Variants in SCML4 observed in about 807,000 individuals in gnomAD.
SCML4 encodes the protein Scm polycomb group protein like 4.
A neutral mutation model predicts 41.1 loss-of-function variants in SCML4; 34 were observed. The ratio of observed to expected loss-of-function variants is 0.83; its 90% CI spans 0.63 to 1.10. The LOEUF is 1.10. SCML4 is among the 50% of genes least tolerant of loss of function. SCML4 has a pLI of 0.00. For synonymous variants in SCML4, 214 were observed against 220.9 expected (o/e 0.97, Z 0.28); for missense variants, 522 against 534.1 (o/e 0.98, Z 0.22).
chr6:107,723,695 C>T (rs1269633321), intron 5 of SCML4, among the ~76,000 whole-genome samples: 1 of 152,158 alleles, frequency 6.6e-6, no homozygotes, highest in African/African-American at 2.4e-5. Context: ...GCCTGAATAA[C>T]TTCACGGTTG....
rs138237843 is a variant in SCML4 at position 107,708,770 on chromosome 6, T to C, written c.974-759A>G. ...AGCTGCTTCCTGGGAAATGGTTGCA[T>C]AGGGCATTTCCCATGCAGCAGGTGA... is the stretch of plus-strand genomic sequence containing the variant. On this transcript the variant is annotated intron_variant, in intron 6 of 7. Coordinates refer to ENST00000369020, the MANE Select transcript of SCML4 (RefSeq NM_198081.5). 4.6e-3 allele frequency among the ~76,000 whole-genome samples: 698 copies of C among 152,296 alleles called. 5 individuals carry two copies. Among genetic ancestry groups the C allele is most frequent in the African/African-American group, 0.016 (658 of 41,560 alleles).
chr6:107,801,852 C>T (rs1317027846), intron 1 of SCML4, among the ~76,000 whole-genome samples: 1 of 152,016 alleles, frequency 6.6e-6, no homozygotes, highest in Non-Finnish European at 1.5e-5. Flanking sequence ...ACAACCTCCG[C>T]CTCCCAGGTT....
the SCML4 span, among the ~76,000 whole-genome samples, chr6:107,839,304 A>AAG: frequency 4.6e-3 from 600 of 131,058 alleles, 6 homozygotes; most frequent in African/African-American, 0.016. Context: ...AAGAAAAGAA[A>AAG]AGAGAGAGTG....
intron 1 of SCML4, among the ~76,000 whole-genome samples, chr6:107,778,212 AAAAAAAAAAAATATATATAT>A (rs1313481001): frequency 2.7e-4 from 2 of 7,332 alleles, no homozygotes; most frequent in African/African-American, 5.4e-4. Context: ...AAAAAAAAAA[AAAAAAAAAAAATATATATAT>A]ATATATATAT....
chr6:107,840,997 T>A, the SCML4 span, among the ~76,000 whole-genome samples: 1 of 152,068 alleles, frequency 6.6e-6, no homozygotes. Context: ...TTTTTTGCTC[T>A]CCTCTATGAT....
chr6:107,755,676 A>G, intron 2 of SCML4: 1 of 1,283,000 alleles, frequency 7.8e-7, no homozygotes, highest in Non-Finnish European at 1.0e-6. Flanking sequence ...TAAAAAAAAA[A>G]AAAAAGCTGT....
chr6:107,811,123 C>T (rs1344597091), intron 1 of SCML4, among the ~76,000 whole-genome samples: 2 of 152,096 alleles, frequency 1.3e-5, no homozygotes, highest in Non-Finnish European at 2.9e-5. Flanking sequence ...AGAGAGGGCT[C>T]AGAGAAACAA....
chr6:107,708,149 C>T, intron 6 of SCML4, 138 bp from the exon 7 acceptor site: 2 of 970,146 alleles, frequency 2.1e-6, no homozygotes, highest in Non-Finnish European at 3.0e-6. Context: ...AAGTGACCTC[C>T]TGTCATAGGG....
chr6:107,722,398 G>A (rs868504088), intron 5 of SCML4, among the ~76,000 whole-genome samples: 4 of 151,896 alleles, frequency 2.6e-5, no homozygotes, highest in African/African-American at 9.7e-5. Context: ...GAGAAATTAC[G>A]GTGATAGAAA....
chr6:107,716,904 C>T (rs922109985), intron 6 of SCML4, among the ~76,000 whole-genome samples: 2 of 152,114 alleles, frequency 1.3e-5, no homozygotes, highest in South Asian at 4.2e-4. Context: ...CCGTCTTCTC[C>T]CCACCCACTT....
At chr6:107,765,946 C>T (rs1187133049) in intron 2 of SCML4, among the ~76,000 whole-genome samples, 1 of 152,226 alleles carries the variant, frequency 6.6e-6, no homozygotes, top group African/African-American at 2.4e-5. Flanking sequence ...ATAGCTGTTA[C>T]AATGTGAATA....
chr6:107,818,214 T>C (rs7756043), intron 1 of SCML4, among the ~76,000 whole-genome samples: 71,338 of 151,980 alleles, frequency 0.47, 17,921 homozygotes, highest in East Asian at 0.73. Context: ...CTTTGGCATC[T>C]GAAAGGGAAA....
chr6:107,728,957 C>T (rs931381734), intron 5 of SCML4, among the ~76,000 whole-genome samples: 12 of 152,216 alleles, frequency 7.9e-5, no homozygotes, highest in Admixed American at 6.5e-4. Context: ...CTGCATTTTC[C>T]GCACTTTTCT....
rs769687908 is a variant in SCML4 at position 107,749,789 on chromosome 6, G to A, written c.181C>T (p.Pro61Ser). The A allele has an allele frequency of 5.6e-6, 9 of 1,613,972 alleles. No individual in the cohort carries two copies. Among genetic ancestry groups the A allele is most frequent in the South Asian group, 5.5e-5 (5 of 91,080 alleles). ...YKIKSRVLMT[P>S]LALSPPRSTP... ...CTCCGCGGAGGTGAGAGGGCTAAGG[G>A]AGTCATGAGAACCCGAGACTTGATC... The change falls in exon 3 of 8, where the codon CCC (proline) becomes TCC (serine). Residue 61 changes from proline to serine, a missense_variant. Pro to Ser is a moderately conservative substitution (Grantham distance 74). Coordinates refer to ENST00000369020, the MANE Select transcript of SCML4 (RefSeq NM_198081.5).
chr6:107,770,412 C>T (rs1263280104), intron 2 of SCML4, among the ~76,000 whole-genome samples: 9 of 152,148 alleles, frequency 5.9e-5, no homozygotes, highest in African/African-American at 2.2e-4. Flanking sequence ...GAATGGCACC[C>T]GGTTTGGAAC....
intron 1 of SCML4, among the ~76,000 whole-genome samples, chr6:107,794,919 G>C (rs1433345082): frequency 1.3e-5 from 2 of 152,078 alleles, no homozygotes; most frequent in Non-Finnish European, 2.9e-5. Flanking sequence ...CTTCCTCCAT[G>C]GCCTCATGAC....
In SCML4 at chr6:107,745,063, C is replaced by T. The variant is rs1301055485; in HGVS notation, c.568G>A (p.Ala190Thr). ...CACAGGAGGCTTCGGCACAGCTTGG[C>T]GAGGAAGCGGAGGACATAGCCGATG... is the stretch of plus-strand genomic sequence containing the variant. ...NSIGYVLRFL[A>T]KLCRSLLCDD... The change falls in exon 5 of 8, where the codon GCC becomes ACC. Residue 190 changes from alanine (A) to threonine (T), a missense_variant. Coordinates refer to ENST00000369020, the MANE Select transcript of SCML4 (RefSeq NM_198081.5). 3 of 1,613,866 alleles carry T rather than the reference C, an allele frequency of 1.9e-6. No homozygotes were observed. Among genetic ancestry groups the T allele is most frequent in the South Asian group, 1.1e-5 (1 of 91,028 alleles).
At chr6:107,778,222 A>AAAAAATAT (rs1554218145) in intron 1 of SCML4, among the ~76,000 whole-genome samples, 1 of 15,528 alleles carries the variant, frequency 6.4e-5, no homozygotes, top group Non-Finnish European at 1.5e-4. Flanking sequence ...AAAAAAAAAA[A>AAAAAATAT]ATATATATAT....
chr6:107,841,425 G>C, the SCML4 span, among the ~76,000 whole-genome samples: 1 of 152,348 alleles, frequency 6.6e-6, no homozygotes, highest in East Asian at 1.9e-4. Context: ...CCACATGCCA[G>C]ACACTGTGCC....
Sources: gnomAD v4.1 joint callset for allele counts (sites outside exome capture counted in the v4.1 genomes callset) on GRCh38, gnomAD v4.1.1 for gene constraint, MANE v1.5 for transcripts, NCBI Gene and HGNC (gene_info 2026-07-23, HGNC 2026-07-21) for gene names.